SELENON: variants seen among roughly 807,000 people sequenced by gnomAD.
SELENON encodes the protein selenoprotein N, also known as selenoprotein N, 1.
Under a neutral mutation model 59.5 loss-of-function variants are expected in SELENON, and 44 were observed. That is an observed-to-expected ratio of 0.74 (90% CI 0.58 to 0.95). The LOEUF is 0.95. Ranked by LOEUF, SELENON falls within the 40% of genes least tolerant of loss-of-function variation. The pLI is 0.00. For missense variants in SELENON, 674 were observed against 721.4 expected (o/e 0.93, Z 0.75); for synonymous variants, 320 against 305.6 (o/e 1.05, Z -0.49).
chr1:25,802,228 G>A (rs538123757), intron 3 of SELENON: 17 of 162,136 alleles, frequency 1.0e-4, no homozygotes, highest in South Asian at 2.5e-4. Context: ...GGGCTCAAAC[G>A]ATCCTCTTAC....
In SELENON at chr1:25,813,957, C is replaced by T; in HGVS notation, c.1464C>T (p.Ser488=). Residue 488 remains serine, a synonymous_variant, in exon 11 of 13, where the codon AGC becomes AGT. Coordinates refer to ENST00000361547, the MANE Select transcript of SELENON (RefSeq NM_020451.3). Reference sequence around the variant, plus strand: ...CCCTGCTCAACGAGAGCTTCATCAGCACCTGGTCCCTGGTGAAGGAGCTGG... The same window carrying T: ...CCCTGCTCAACGAGAGCTTCATCAGTACCTGGTCCCTGGTGAAGGAGCTGG... 1.9e-6 allele frequency: 3 copies of T among 1,614,170 alleles called. No homozygotes were observed. Among genetic ancestry groups the T allele is most frequent in the Non-Finnish European group, 2.5e-6 (3 of 1,179,992 alleles).
Position 25,816,400 on chromosome 1 carries a change from T to C in SELENON, c.*682T>C, listed in dbSNP as rs2048011493. 1 of 152,740 alleles carries C rather than the reference T, an allele frequency of 6.5e-6. No individual in the cohort carries two copies. The highest frequency in any genetic ancestry group is 1.5e-5 in the Non-Finnish European group (1 of 68,464). The allele number at this position is 152,740 out of a possible 1,614,324, so 9.5% of individuals were successfully genotyped here. ...TTTACTGTGAAGGGGTTTCTGCCTT[T>C]AGCAATGGGGTTCACTAAGGGGGTT... On this transcript the variant is annotated 3_prime_UTR_variant, in exon 13 of 13. Coordinates refer to ENST00000361547, the MANE Select transcript of SELENON (RefSeq NM_020451.3).
At chr1:25,808,265 T>C (rs1408309501) in intron 4 of SELENON, among the ~76,000 whole-genome samples, 1 of 152,112 alleles carries the variant, frequency 6.6e-6, no homozygotes. Flanking sequence ...ATTCCAACCT[T>C]GCCCTCGAGC....
Position 25,807,971 on chromosome 1 carries a change from T to G in SELENON, c.538-609T>G, listed in dbSNP as rs946606020. On this transcript the variant is annotated intron_variant, in intron 4 of 12. Transcript: ENST00000361547. This position sits in a 1 kb window ranked among gnomAD's most constrained non-coding sequence, Gnocchi z 4.5. ...GGCAGGGCCCTTCTGGGGGTGGCCT[T>G]CCTTCCCCTTCCCTGTGGTCTCATC... Among the ~76,000 whole-genome samples, 3 of 152,178 alleles carry G rather than the reference T, an allele frequency of 2.0e-5. No homozygotes were observed. The highest frequency in any genetic ancestry group is 6.5e-5 in the Admixed American group (1 of 15,286).
chr1:25,814,026 C>G, intron 11 of SELENON, 33 bp downstream of exon 10: 1 of 1,611,078 alleles, frequency 6.2e-7, no homozygotes, highest in South Asian at 1.1e-5. Flanking sequence ...CAGGAGCGTC[C>G]GGAACAGTGG....
intron 9 of SELENON, 42 bp from the exon 9 acceptor site, chr1:25,812,645 C>T (rs1304376170): frequency 1.3e-6 from 2 of 1,521,314 alleles, no homozygotes; most frequent in Non-Finnish European, 9.0e-7. Context: ...GGGACCCTGG[C>T]CGCTTTGATG....
At chr1:25,815,371 G>T (rs2048001411) in intron 12 of SELENON, among the ~76,000 whole-genome samples, 177 bp from the exon 12 acceptor site, 1 of 152,200 alleles carries the variant, frequency 6.6e-6, no homozygotes. Flanking sequence ...GACACAGGGT[G>T]ATGAGATGGT....
At chr1:25,811,328 GT>G in intron 7 of SELENON, 125 bp from the exon 7 acceptor site, 1 of 883,300 alleles carries the variant, frequency 1.1e-6, no homozygotes, top group Non-Finnish European at 1.9e-6. Flanking sequence ...GAGAGCAGGT[GT>G]TCACCTTGAG....
rs142002477 is a variant in SELENON at position 25,813,135 on chromosome 1, C to T, written c.1387+343C>T. Among the ~76,000 whole-genome samples, 1,263 of 152,258 alleles carry T rather than the reference C, an allele frequency of 8.3e-3. 10 individuals carry two copies. Among genetic ancestry groups the T allele is most frequent in the Non-Finnish European group, 0.014 (955 of 68,018 alleles). ...GCTGTGGACATGGAGGTGAAAGTGCCGCATACACTGTAAAGTGTTATATAC... is the reference window on the plus strand; with the variant it reads ...GCTGTGGACATGGAGGTGAAAGTGCTGCATACACTGTAAAGTGTTATATAC... On this transcript the variant is annotated intron_variant, in intron 10 of 12. Coordinates refer to ENST00000361547, the MANE Select transcript of SELENON (RefSeq NM_020451.3).
rs1436983485 is a variant in SELENON at position 25,816,744 on chromosome 1, T to C, written c.*1026T>C. On this transcript the variant is annotated 3_prime_UTR_variant, in exon 13 of 13. Coordinates refer to ENST00000361547, the MANE Select transcript of SELENON (RefSeq NM_020451.3). ...CAGAAAAGTGTTTTTACACAAACTT[T>C]CTCATGGTTTGTAGGTATTTTTTTA... 1.3e-5 allele frequency: 2 copies of C among 152,660 alleles called. No individual in the cohort carries two copies. Among genetic ancestry groups the C allele is most frequent in the African/African-American group, 4.8e-5 (2 of 41,456 alleles). 9.5% of individuals were successfully genotyped at this position (152,660 alleles called of 1,614,324 possible).
intron 5 of SELENON, 77 bp downstream of exon 4, chr1:25,808,866 C>T: frequency 1.3e-6 from 2 of 1,575,560 alleles, no homozygotes; most frequent in Non-Finnish European, 1.7e-6. Flanking sequence ...TGCGCCTGGA[C>T]CCCAGTGCCA....
chr1:25,813,303 G>A (rs536454102), intron 10 of SELENON, among the ~76,000 whole-genome samples: 20 of 152,244 alleles, frequency 1.3e-4, no homozygotes, highest in African/African-American at 4.1e-4. Context: ...CCCTCACCCC[G>A]TCAACCGTCA....
intron 4 of SELENON, among the ~76,000 whole-genome samples, chr1:25,806,557 A>G (rs911107245): frequency 1.3e-5 from 2 of 152,096 alleles, no homozygotes. Context: ...GACCAGGGGC[A>G]TGGTGGGCTG....
chr1:25,802,947 G>T (rs7549097), intron 3 of SELENON, among the ~76,000 whole-genome samples: 87,838 of 152,014 alleles, frequency 0.58, 25,565 homozygotes, highest in South Asian at 0.73. Flanking sequence ...GCTTCAAAGC[G>T]CTGTCACTAG....
In SELENON at chr1:25,814,061, G is replaced by C; in HGVS notation, c.1501-16G>C. The C allele has an allele frequency of 6.2e-7, 1 of 1,612,858 alleles. No individual in the cohort carries two copies. Among genetic ancestry groups the C allele is most frequent in the East Asian group, 2.2e-5 (1 of 44,872 alleles). ...GTGGGGGCCGCGGCATCAGGAGTGTGCAACTGTCCCCACAGAACAACCAGG... is the reference window on the plus strand; with the variant it reads ...GTGGGGGCCGCGGCATCAGGAGTGTCCAACTGTCCCCACAGAACAACCAGG... On this transcript the variant is annotated splice_polypyrimidine_tract_variant and intron_variant, in intron 11 of 12. Transcript: ENST00000361547.
In SELENON at chr1:25,807,900, G is replaced by C. The variant is rs1292509486; in HGVS notation, c.538-680G>C. 6.6e-6 allele frequency among the ~76,000 whole-genome samples: 1 copy of C among 152,220 alleles called. No individual in the cohort carries two copies. The highest frequency in any genetic ancestry group is 1.5e-5 in the Non-Finnish European group (1 of 68,046). ...GAGGCAGGTCACCGATGAGGACTCG[G>C]GCTTAGGGAAGGCCTTTTGCCCAGG... On this transcript the variant is annotated intron_variant, in intron 4 of 12. Coordinates refer to ENST00000361547, the MANE Select transcript of SELENON (RefSeq NM_020451.3). This position sits in a 1 kb window ranked among gnomAD's most constrained non-coding sequence, Gnocchi z 4.5.
At chr1:25,800,970 A>G in intron 1 of SELENON, 73 bp from the exon 2 acceptor site, 1 of 1,195,160 alleles carries the variant, frequency 8.4e-7, no homozygotes. Flanking sequence ...CTCCATGCGG[A>G]AGCAACTGCC....
Position 25,800,242 on chromosome 1 carries a change from C to G in SELENON, c.12C>G (p.Ala4=), listed in dbSNP as rs1465332394. ...CGCCAGCCGCAGCCATGGGCCGGGC[C>G]CGGCCGGGCCAACGCGGGCCGCCCA... is the stretch of plus-strand genomic sequence containing the variant. Residue 4 remains alanine, a synonymous_variant, in exon 1 of 13, where the codon GCC becomes GCG. Transcript: ENST00000361547. The G allele has an allele frequency of 6.9e-6, 6 of 865,546 alleles. No homozygotes were observed. The South Asian group carries it at 1.5e-4, about 22-fold the overall frequency. The allele number at this position is 865,546 out of a possible 1,614,324, so 53.6% of individuals were successfully genotyped here.
chr1:25,807,929 G>T lies in SELENON; in HGVS notation c.538-651G>T, dbSNP rs1294932852. ...TAGGGAAGGCCTTTTGCCCAGGGTG[G>T]GGCAGGCTGTACTTAAGGCAGGGCC... On this transcript the variant is annotated intron_variant, in intron 4 of 12. Coordinates refer to ENST00000361547, the MANE Select transcript of SELENON (RefSeq NM_020451.3). The surrounding 1 kb of genome is among the most constrained non-coding windows in gnomAD (Gnocchi z 4.5). Among the ~76,000 whole-genome samples, 1 of 152,232 alleles carries T rather than the reference G, an allele frequency of 6.6e-6. No homozygotes were observed. Among genetic ancestry groups the T allele is most frequent in the African/African-American group, 2.4e-5 (1 of 41,460 alleles).
Sources: gnomAD v4.1 joint callset for allele counts (sites outside exome capture counted in the v4.1 genomes callset) on GRCh38, gnomAD v4.1.1 for gene constraint, Gnocchi (gnomAD v3.1) non-coding constraint, MANE v1.5 for transcripts, NCBI Gene and HGNC (gene_info 2026-07-23, HGNC 2026-07-21) for gene names.